The following EPHA6 variants were observed in gnomAD, a reference collection of about 807,000 sequenced individuals.
The protein encoded by EPHA6 is ephrin type-A receptor 6.
In EPHA6, 50 loss-of-function variants were observed where a neutral mutation model predicts 112.0. The observed-to-expected ratio is 0.45, with a 90% CI of 0.36 to 0.56. The LOEUF (loss-of-function observed/expected upper bound fraction) is 0.56. Among genes scored for constraint, EPHA6 ranks in the 20% least tolerant of loss-of-function variants. The pLI, the probability that EPHA6 is intolerant of heterozygous loss-of-function variation, is 0.00. For synonymous variants in EPHA6, 529 were observed against 490.7 expected (o/e 1.08, Z -1.03); for missense variants, 1,280 against 1,417.4 (o/e 0.90, Z 1.56).
intron 5 of EPHA6, among the ~76,000 whole-genome samples, chr3:97,402,656 T>C (rs1465197802): frequency 6.6e-6 from 1 of 152,162 alleles, no homozygotes; most frequent in Non-Finnish European, 1.5e-5. Flanking sequence ...GTGCTTTTTC[T>C]TATATGCGAC....
Position 97,326,047 on chromosome 3 carries a change from A to G in EPHA6, c.1607-79103A>G, listed in dbSNP as rs192644443. Among the ~76,000 whole-genome samples, 38 of 152,260 alleles carry G rather than the reference A, an allele frequency of 2.5e-4. No individual in the cohort carries two copies. The East Asian group carries it at 5.2e-3, about 21-fold the overall frequency. On this transcript the variant is annotated intron_variant, in intron 5 of 17. Coordinates refer to ENST00000389672, the MANE Select transcript of EPHA6 (RefSeq NM_001080448.3). ...AAGTGTATCAAATTTCAAATATATT[A>G]CATGCACAATATATTGTATGAGAAA...
intron 2 of EPHA6, among the ~76,000 whole-genome samples, chr3:96,985,411 A>G (rs2042983186): frequency 6.6e-6 from 1 of 152,114 alleles, no homozygotes; most frequent in African/African-American, 2.4e-5. Context: ...AAATTATATC[A>G]TATTTTTTAC....
At chr3:96,955,350 A>T (rs2107733981) in intron 2 of EPHA6, among the ~76,000 whole-genome samples, 1 of 152,258 alleles carries the variant, frequency 6.6e-6, no homozygotes, top group Middle Eastern at 3.4e-3. Flanking sequence ...GTTTAACATG[A>T]ATTTTATTTG....
At chr3:97,255,144 ATGTGTGTGTG>A (rs10631180) in intron 5 of EPHA6, among the ~76,000 whole-genome samples, 2,212 of 144,362 alleles carry the variant, frequency 0.015, 40 homozygotes, top group African/African-American at 0.042. Context: ...TACATCTTGG[ATGTGTGTGTG>A]TGTGTGTGTG....
At chr3:97,330,521 C>G (rs944818588) in intron 5 of EPHA6, among the ~76,000 whole-genome samples, 5 of 151,928 alleles carry the variant, frequency 3.3e-5, no homozygotes, top group Non-Finnish European at 7.4e-5. Flanking sequence ...TTCTCTTTGA[C>G]GAGGTCCTTC....
At chr3:97,322,388 G>GT (rs1454028664) in intron 5 of EPHA6, among the ~76,000 whole-genome samples, 20 of 151,998 alleles carry the variant, frequency 1.3e-4, no homozygotes, top group Non-Finnish European at 7.4e-5. Context: ...CTCTCCATCT[G>GT]TCAGCAGATT....
chr3:97,228,512 A>T (rs1559813070), intron 4 of EPHA6, among the ~76,000 whole-genome samples: 1 of 151,298 alleles, frequency 6.6e-6, no homozygotes, highest in Non-Finnish European at 1.5e-5. Context: ...ATTGCTGAGT[A>T]GCATTCTATG....
At chr3:97,637,526 C>A (rs1488564373) in intron 13 of EPHA6, among the ~76,000 whole-genome samples, 1 of 152,026 alleles carries the variant, frequency 6.6e-6, no homozygotes, top group Non-Finnish European at 1.5e-5. Flanking sequence ...AAAGTGGATT[C>A]TATTTGTTTG....
At chr3:97,005,034 T>C (rs1468235037) in intron 3 of EPHA6, among the ~76,000 whole-genome samples, 2 of 152,218 alleles carry the variant, frequency 1.3e-5, no homozygotes, top group African/African-American at 2.4e-5. Flanking sequence ...TACAGTTTGA[T>C]ATCAGGTAGT....
intron 16 of EPHA6, among the ~76,000 whole-genome samples, chr3:97,744,710 G>A (rs1356370708): frequency 1.3e-5 from 2 of 151,808 alleles, no homozygotes; most frequent in Non-Finnish European, 2.9e-5. Context: ...TTATACTAAG[G>A]ACATAAAATT....
intron 14 of EPHA6, among the ~76,000 whole-genome samples, chr3:97,710,155 C>G (rs957170078): frequency 1.3e-5 from 2 of 152,166 alleles, no homozygotes; most frequent in Non-Finnish European, 2.9e-5. Flanking sequence ...GGGGGTGAGC[C>G]CTTCAGCCCC....
At chr3:97,179,782 G>A (rs2076938522) in intron 3 of EPHA6, among the ~76,000 whole-genome samples, 1 of 145,814 alleles carries the variant, frequency 6.9e-6, no homozygotes, top group African/African-American at 2.7e-5. Flanking sequence ...TAAAGCTGGA[G>A]GTGGGGTGTT....
chr3:97,456,872 A>C (rs1243377518), intron 7 of EPHA6, among the ~76,000 whole-genome samples: 3 of 152,140 alleles, frequency 2.0e-5, no homozygotes, highest in Admixed American at 2.0e-4. Context: ...AAGAGAGCAA[A>C]AATGTTCCTT....
intron 5 of EPHA6, among the ~76,000 whole-genome samples, chr3:97,354,035 G>A (rs774817707): frequency 2.0e-5 from 3 of 152,214 alleles, no homozygotes; most frequent in Non-Finnish European, 4.4e-5. Flanking sequence ...ACAACACAAT[G>A]CCTCTATGAA....
intron 3 of EPHA6, among the ~76,000 whole-genome samples, chr3:97,039,724 G>T (rs2045248629): frequency 6.6e-6 from 1 of 152,018 alleles, no homozygotes; most frequent in Non-Finnish European, 1.5e-5. Flanking sequence ...CGGCAGTAAA[G>T]AGTTTGAAAA....
intron 5 of EPHA6, among the ~76,000 whole-genome samples, chr3:97,292,616 A>T (rs2080727227): frequency 1.3e-5 from 2 of 152,206 alleles, no homozygotes; most frequent in African/African-American, 4.8e-5. Context: ...GCAAGCATCC[A>T]GCTCACAACG....
At chr3:97,196,273 A>G (rs1447722125) in intron 3 of EPHA6, among the ~76,000 whole-genome samples, 1 of 151,734 alleles carries the variant, frequency 6.6e-6, no homozygotes, top group Non-Finnish European at 1.5e-5. Context: ...AGAGACTCAT[A>G]CATTCTTCAA....
intron 6 of EPHA6, among the ~76,000 whole-genome samples, chr3:97,428,896 C>G (rs1363379142): frequency 6.6e-6 from 1 of 152,164 alleles, no homozygotes; most frequent in Non-Finnish European, 1.5e-5. Context: ...CCATCAGAGA[C>G]ATTTTCTACC....
intron 3 of EPHA6, among the ~76,000 whole-genome samples, chr3:97,048,899 A>G (rs2856478): frequency 0.36 from 54,118 of 152,030 alleles, 11,279 homozygotes; most frequent in African/African-American, 0.58. Context: ...TTTGGGGAGC[A>G]GGGGGATGTG....
Sources: allele counts gnomAD v4.1 joint callset (sites outside exome capture counted in the v4.1 genomes callset), GRCh38; gene constraint gnomAD v4.1.1; transcripts MANE v1.5; gene names NCBI Gene and HGNC (gene_info 2026-07-23, HGNC 2026-07-21).